FMNL2: variants seen among roughly 807,000 people sequenced by gnomAD.
FMNL2 encodes the protein formin-like protein 2.
FMNL2 carries 51 observed loss-of-function variants against 130.2 expected under a neutral mutation model. The observed-to-expected ratio is 0.39, with a 90% CI of 0.31 to 0.49. The LOEUF (loss-of-function observed/expected upper bound fraction) is 0.49, where lower values mean the gene tolerates loss of function less well. FMNL2 is among the 20% of genes least tolerant of loss of function. The probability of loss-of-function intolerance (pLI) is 0.85; values close to 1 mark genes in which losing one functional copy is unlikely to be tolerated. For missense variants in FMNL2, 977 were observed against 1,316.2 expected (o/e 0.74, Z 3.99); for synonymous variants, 465 against 467.1 (o/e 1.00, Z 0.06).
At chr2:152,612,640 G>C (rs991374554) in intron 11 of FMNL2, among the ~76,000 whole-genome samples, 1 of 152,110 alleles carries the variant, frequency 6.6e-6, no homozygotes, top group Non-Finnish European at 1.5e-5. Flanking sequence ...TTTTGAGACA[G>C]GGTTTCACTT....
At chr2:152,640,655 T>C in intron 24 of FMNL2, 136 bp from the exon 25 acceptor site, 1 of 1,110,880 alleles carries the variant, frequency 9.0e-7, no homozygotes, top group South Asian at 1.7e-5. Context: ...TCTCTGCAAC[T>C]GAGCAGAATG....
chr2:152,474,987 A>G (rs1690070291), intron 1 of FMNL2, among the ~76,000 whole-genome samples: 2 of 152,224 alleles, frequency 1.3e-5, no homozygotes, highest in Admixed American at 1.3e-4. Flanking sequence ...TTGCACCCCT[A>G]TAGCTTGCTC....
chr2:152,486,602 G>A lies in FMNL2; in HGVS notation c.118-35341G>A, dbSNP rs77321316. ...TTTGGAATTCAGATGTTAAGATCTT[G>A]AAAATAAGTTAATGTTTCATTGAGT... On this transcript the variant is annotated intron_variant, in intron 1 of 25. Transcript: ENST00000288670. Among the ~76,000 whole-genome samples the A allele has an allele frequency of 1.6e-3, 243 of 152,282 alleles. 6 individuals are homozygous for A. The East Asian group carries it at 0.043, about 27-fold the overall frequency.
intron 3 of FMNL2, 94 bp from the exon 4 acceptor site, chr2:152,548,927 A>G (rs926207152): frequency 3.1e-6 from 3 of 955,574 alleles, no homozygotes; most frequent in Non-Finnish European, 3.0e-6. Flanking sequence ...AGAAGTGAAG[A>G]TATTTTTCAT....
chr2:152,581,012 A>G lies in FMNL2; in HGVS notation c.839A>G (p.His280Arg). 6.2e-7 allele frequency: 1 copy of G among 1,613,942 alleles called. No homozygotes were observed. Among genetic ancestry groups the G allele is most frequent in the Non-Finnish European group, 8.5e-7 (1 of 1,179,846 alleles). Reference sequence around the variant, plus strand: ...GCCGTTTGTCTTGTCAGAGGCGGGCATGAAATCATTTTATCAGCATTTGAT... The same window carrying G: ...GCCGTTTGTCTTGTCAGAGGCGGGCGTGAAATCATTTTATCAGCATTTGAT... ...LAAVCLVRGG[H>R]EIILSAFDNF... is the part of the protein sequence containing the mutation. The change falls in exon 9 of 26, where the codon CAT becomes CGT. Residue 280 changes from histidine to arginine, a missense_variant. By Grantham distance (29) the His-to-Arg change is conservative (BLOSUM62 0). This residue lies in a region of FMNL2 where 689 missense variants were observed against 995.9 expected (regional missense o/e 0.69). Transcript: ENST00000288670.
At chr2:152,557,055 A>C (rs1430625600) in intron 4 of FMNL2, among the ~76,000 whole-genome samples, 10 of 152,170 alleles carry the variant, frequency 6.6e-5, no homozygotes. Context: ...CCAGACTTTA[A>C]GTCTCCAGCC....
At chr2:152,621,740 T>C (rs1044871953) in intron 15 of FMNL2, among the ~76,000 whole-genome samples, 2 of 152,224 alleles carry the variant, frequency 1.3e-5, no homozygotes, top group African/African-American at 4.8e-5. Context: ...TTCTTAGTGA[T>C]TGAAGCCCAT....
rs951638163 is a variant in FMNL2 at position 152,649,034 on chromosome 2, C to T, written c.*1129C>T. On this transcript the variant is annotated 3_prime_UTR_variant, in exon 26 of 26. Transcript: ENST00000288670. ...ATCCATTCCAAAGTCAAAAACTGGA[C>T]TGAAGCTAAATTTGTACTTTTCATA... 6.6e-6 allele frequency: 1 copy of T among 152,630 alleles called. No homozygotes were observed. Among genetic ancestry groups the T allele is most frequent in the East Asian group, 1.9e-4 (1 of 5,200 alleles). 9.5% of individuals were successfully genotyped at this position (152,630 alleles called of 1,614,324 possible). A position where few individuals can be genotyped will look rare whatever the true frequency, so the allele number is the denominator to read the frequency against.
intron 3 of FMNL2, among the ~76,000 whole-genome samples, chr2:152,548,019 T>G (rs142762584): frequency 2.6e-5 from 4 of 152,006 alleles, no homozygotes; most frequent in Non-Finnish European, 5.9e-5. Context: ...GCTAGAGAGG[T>G]GTATATTAAC....
At chr2:152,517,570 A>T (rs896550752) in intron 1 of FMNL2, among the ~76,000 whole-genome samples, 44 of 152,032 alleles carry the variant, frequency 2.9e-4, no homozygotes, top group Admixed American at 2.9e-3. Flanking sequence ...TAGTGGGGGG[A>T]AGGTTCTAAT....
At chr2:152,449,834 A>G (rs184979620) in intron 1 of FMNL2, among the ~76,000 whole-genome samples, 2 of 152,368 alleles carry the variant, frequency 1.3e-5, no homozygotes, top group South Asian at 2.1e-4. Flanking sequence ...ATGTGGCTAC[A>G]TGTTTGACAG....
At chr2:152,556,298 G>A (rs1235482740) in intron 4 of FMNL2, among the ~76,000 whole-genome samples, 1 of 152,170 alleles carries the variant, frequency 6.6e-6, no homozygotes, top group Non-Finnish European at 1.5e-5. Flanking sequence ...GGGGTGTCAG[G>A]ACTAGATCAA....
intron 2 of FMNL2, among the ~76,000 whole-genome samples, chr2:152,540,730 T>C (rs1231937552): frequency 6.7e-6 from 1 of 149,260 alleles, no homozygotes; most frequent in African/African-American, 2.4e-5. Flanking sequence ...TTGGGAGATA[T>C]ACCTAATGCT....
chr2:152,618,852 T>C lies in FMNL2; in HGVS notation c.1321T>C (p.Tyr441His). 1 of 1,590,682 alleles carries C rather than the reference T, an allele frequency of 6.3e-7. No individual in the cohort carries two copies. Among genetic ancestry groups the C allele is most frequent in the South Asian group, 1.1e-5 (1 of 87,166 alleles). Residue 441 changes from tyrosine (Y) to histidine (H), a missense_variant, in exon 14 of 26, where the codon TAC (tyrosine) becomes CAC (histidine). Around this residue, in one of 4 missense-constraint regions of FMNL2, gnomAD observed 689 missense variants for 995.9 expected, o/e 0.69. Coordinates refer to ENST00000288670, the MANE Select transcript of FMNL2 (RefSeq NM_052905.4). ...ACCTTGGACTTTATTGCAGGAAATCTACAAAGATGCAAATACTCAAGTTCA... is the reference window on the plus strand; with the variant it reads ...ACCTTGGACTTTATTGCAGGAAATCCACAAAGATGCAAATACTCAAGTTCA... The part of the protein sequence containing the change: ...NKELDVVREI[Y>H]KDANTQVHTL...
intron 2 of FMNL2, among the ~76,000 whole-genome samples, chr2:152,541,794 G>GC (rs1440653769): frequency 6.6e-6 from 1 of 152,066 alleles, no homozygotes; most frequent in Non-Finnish European, 1.5e-5. Context: ...AGGTTTGTGA[G>GC]ATCCATTCAT....
Position 152,628,321 on chromosome 2 carries a change from G to A in FMNL2, c.2188G>A (p.Val730Met), listed in dbSNP as rs375548308. 1 of 1,613,944 alleles carries A rather than the reference G, an allele frequency of 6.2e-7. No individual in the cohort carries two copies. Among genetic ancestry groups the A allele is most frequent in the African/African-American group, 1.3e-5 (1 of 74,944 alleles). The change falls in exon 18 of 26, where the codon GTG becomes ATG. Residue 730 changes from valine to methionine, a missense_variant. Transcript: ENST00000288670. The stretch of plus-strand genomic sequence containing the variant: ...TAGATTTGACTTGAAGACACTGCCT[G>A]TGGACTTTGTGGAATGCTTGATGCG... ...IHVFDLKTLP[V>M]DFVECLMRFL...
intron 1 of FMNL2, among the ~76,000 whole-genome samples, chr2:152,382,607 A>G (rs1004463622): frequency 6.6e-6 from 1 of 152,158 alleles, no homozygotes; most frequent in African/African-American, 2.4e-5. Context: ...TATGGACTTG[A>G]AATTTGCAAT....
chr2:152,339,414 G>A (rs552887239), intron 1 of FMNL2, among the ~76,000 whole-genome samples: 7 of 152,152 alleles, frequency 4.6e-5, no homozygotes, highest in Non-Finnish European at 7.3e-5. Context: ...GTTTTTGTCC[G>A]AGAATACCTG....
chr2:152,611,636 A>G (rs1459332899), intron 11 of FMNL2, 31 bp downstream of exon 11: 5 of 1,397,212 alleles, frequency 3.6e-6, no homozygotes, highest in African/African-American at 2.8e-5. Flanking sequence ...TGGCTCCAAT[A>G]TAAGAATTGA....
Sources: gnomAD v4.1 joint callset for allele counts (sites outside exome capture counted in the v4.1 genomes callset) on GRCh38, gnomAD v4.1.1 for gene constraint, gnomAD v4.1.1 regional missense constraint, MANE v1.5 for transcripts, NCBI Gene and HGNC (gene_info 2026-07-23, HGNC 2026-07-21) for gene names.